Variants in ADAMTS17 observed in about 807,000 individuals in gnomAD.
The protein encoded by ADAMTS17 is ADAM metallopeptidase with thrombospondin type 1 motif 17.
Under a neutral mutation model 141.5 loss-of-function variants are expected in ADAMTS17, and 113 were observed. That is an observed-to-expected ratio of 0.80 (90% CI 0.69 to 0.93). ADAMTS17 has a LOEUF of 0.93. ADAMTS17 is among the 40% of genes least tolerant of loss of function. ADAMTS17 has a pLI of 0.00. For missense variants in ADAMTS17, 1,659 were observed against 1,517.9 expected, an observed-to-expected ratio of 1.09 and a Z score of -1.54; for synonymous variants, 768 against 630.6, an observed-to-expected ratio of 1.22 and a Z score of -3.27.
At chr15:100,041,306 G>A (rs1351691882) in intron 18 of ADAMTS17, among the ~76,000 whole-genome samples, 1 of 152,364 alleles carries the variant, frequency 6.6e-6, no homozygotes, top group Admixed American at 6.5e-5. Flanking sequence ...TGCCTGGGAA[G>A]AAGTTCAAAT....
chr15:100,329,649 T>C (rs2045991663), intron 3 of ADAMTS17, among the ~76,000 whole-genome samples: 1 of 152,130 alleles, frequency 6.6e-6, no homozygotes, highest in Non-Finnish European at 1.5e-5. Context: ...TCTTCCTCAC[T>C]TTTGTAAGGA....
intron 15 of ADAMTS17, 68 bp downstream of exon 15, chr15:100,096,287 GC>G: frequency 6.2e-7 from 1 of 1,604,038 alleles, no homozygotes; most frequent in South Asian, 1.1e-5. Context: ...AGGGAAGACT[GC>G]AATCAATAGC....
chr15:100,089,721 C>T (rs951436167), intron 15 of ADAMTS17, among the ~76,000 whole-genome samples: 11 of 151,450 alleles, frequency 7.3e-5, no homozygotes, highest in African/African-American at 2.2e-4. Context: ...TCTCAACAAA[C>T]TATCACAAGG....
chr15:100,132,184 G>A (rs2038087358), intron 11 of ADAMTS17, 32 bp from the exon 12 acceptor site: 1 of 1,608,662 alleles, frequency 6.2e-7, no homozygotes, highest in African/African-American at 1.3e-5. Flanking sequence ...CGGGGCCCAG[G>A]CACTCAGCAG....
chr15:100,059,402 G>C (rs1196173347), intron 15 of ADAMTS17, among the ~76,000 whole-genome samples: 1 of 152,046 alleles, frequency 6.6e-6, no homozygotes, highest in Admixed American at 6.5e-5. Flanking sequence ...CTCCCGGGGA[G>C]AGGAAAACAC....
intron 18 of ADAMTS17, among the ~76,000 whole-genome samples, chr15:100,038,532 T>C (rs2030960220): frequency 1.3e-5 from 2 of 152,260 alleles, no homozygotes; most frequent in Admixed American, 1.3e-4. Context: ...GTTTTCAGAA[T>C]ATGTTTTAAA....
intron 18 of ADAMTS17, among the ~76,000 whole-genome samples, chr15:100,026,377 C>T (rs1383239979): frequency 6.6e-6 from 1 of 152,238 alleles, no homozygotes; most frequent in East Asian, 1.9e-4. Flanking sequence ...GTACAACTTG[C>T]TGGCATACAC....
At chr15:100,057,028 AGTGTGTGGCTCAGTG>A (rs1345311938) in intron 15 of ADAMTS17, among the ~76,000 whole-genome samples, 1 of 152,020 alleles carries the variant, frequency 6.6e-6, no homozygotes, top group Admixed American at 6.5e-5. Context: ...CGCCACCCGC[AGTGTGTGGCTCAGTG>A]GTGTGTGGCT....
chr15:100,319,633 C>G (rs2045670095), intron 3 of ADAMTS17, among the ~76,000 whole-genome samples: 1 of 152,172 alleles, frequency 6.6e-6, no homozygotes, highest in Non-Finnish European at 1.5e-5. Flanking sequence ...TCGCTTGAAC[C>G]CAGGAAGTGG....
In ADAMTS17 at chr15:100,044,161, G is replaced by C. The variant is rs1266099585; in HGVS notation, c.2591+4696C>G. Among the ~76,000 whole-genome samples the C allele has an allele frequency of 3.9e-5, 6 of 152,272 alleles. No individual in the cohort carries two copies. The South Asian group carries it at 1.0e-3, about 26-fold the overall frequency. On this transcript the variant is annotated intron_variant, in intron 18 of 21. Coordinates refer to ENST00000268070, the MANE Select transcript of ADAMTS17 (RefSeq NM_139057.4). ...GCACTTTGAATTAATCTGGAATCTA[G>C]TTGAAACATGAAGATGTGATCTGAT...
chr15:100,189,017 T>C (rs1003952279), intron 8 of ADAMTS17, among the ~76,000 whole-genome samples: 3 of 152,216 alleles, frequency 2.0e-5, no homozygotes, highest in Non-Finnish European at 2.9e-5. Flanking sequence ...GTCCACCCCT[T>C]GGATGTCCTT....
intron 18 of ADAMTS17, among the ~76,000 whole-genome samples, chr15:100,019,243 T>C (rs907066441): frequency 6.6e-6 from 1 of 152,136 alleles, no homozygotes; most frequent in Non-Finnish European, 1.5e-5. Context: ...TATACATATA[T>C]AGTGCAAGTT....
intron 15 of ADAMTS17, among the ~76,000 whole-genome samples, chr15:100,060,829 C>A (rs916904108): frequency 5.9e-5 from 9 of 152,220 alleles, no homozygotes; most frequent in Non-Finnish European, 1.0e-4. Flanking sequence ...TCAGGAATTG[C>A]TCCCAGCAAA....
At chr15:100,114,918 CATTTCAGTGGG>C (rs2037018779) in intron 13 of ADAMTS17, among the ~76,000 whole-genome samples, 1 of 152,214 alleles carries the variant, frequency 6.6e-6, no homozygotes, top group African/African-American at 2.4e-5. Flanking sequence ...GAAACACAGA[CATTTCAGTGGG>C]ATTTCTGTGC....
At chr15:100,194,562 G>A (rs541887835) in intron 8 of ADAMTS17, among the ~76,000 whole-genome samples, 2 of 152,204 alleles carry the variant, frequency 1.3e-5, no homozygotes, top group South Asian at 4.2e-4. Context: ...TTTTCTCACG[G>A]GCAGTCAGCA....
At chr15:100,029,798 G>C (rs1370882239) in intron 18 of ADAMTS17, among the ~76,000 whole-genome samples, 1 of 152,214 alleles carries the variant, frequency 6.6e-6, no homozygotes, top group Admixed American at 6.5e-5. Flanking sequence ...CATGCTTTCT[G>C]AGTTAAAATG....
intron 15 of ADAMTS17, among the ~76,000 whole-genome samples, chr15:100,076,789 A>G (rs1461663791): frequency 6.6e-6 from 1 of 152,050 alleles, no homozygotes; most frequent in African/African-American, 2.4e-5. Flanking sequence ...TACACAAACA[A>G]AAACATAGCA....
chr15:100,207,862 G>A (rs925239111), intron 7 of ADAMTS17, among the ~76,000 whole-genome samples: 1 of 152,146 alleles, frequency 6.6e-6, no homozygotes, highest in Admixed American at 6.5e-5. Flanking sequence ...CATCACTCAC[G>A]TCATTGGCCA....
rs190336972 is a variant in ADAMTS17 at position 100,199,443 on chromosome 15, C to T, written c.1076-20G>A. Reference sequence around the variant, plus strand: ...CAATTCCTGCAGCAGAGACACAAAACACATCCTCTTCAGAACGTGGGAGGC... The same window carrying T: ...CAATTCCTGCAGCAGAGACACAAAATACATCCTCTTCAGAACGTGGGAGGC... On this transcript the variant is annotated intron_variant, in intron 7 of 21. Transcript: ENST00000268070. 31 of 1,607,342 alleles carry T rather than the reference C, an allele frequency of 1.9e-5. No individual in the cohort carries two copies. In the African/African-American group the frequency reaches 3.6e-4, roughly 19 times the overall value.
Sources: gnomAD v4.1 joint callset for allele counts (sites outside exome capture counted in the v4.1 genomes callset) on GRCh38, gnomAD v4.1.1 for gene constraint, MANE v1.5 for transcripts, NCBI Gene and HGNC (gene_info 2026-07-23, HGNC 2026-07-21) for gene names.